The following RGS6 variants were observed in gnomAD, a reference collection of about 807,000 sequenced individuals.
The protein encoded by RGS6 is regulator of G-protein signaling 6.
Under a neutral mutation model 78.5 loss-of-function variants are expected in RGS6, and 30 were observed. That is an observed-to-expected ratio of 0.38 (90% CI 0.29 to 0.52). The LOEUF (loss-of-function observed/expected upper bound fraction) is 0.52, where lower values mean the gene tolerates loss of function less well. RGS6 is among the 20% of genes least tolerant of loss of function. The pLI is 0.85. For synonymous variants in RGS6, 206 were observed against 206.0 expected (o/e 1.00, Z 0.00); for missense variants, 495 against 609.7 (o/e 0.81, Z 1.98).
intron 2 of RGS6, among the ~76,000 whole-genome samples, chr14:72,300,982 C>T (rs1406570972): frequency 6.6e-6 from 1 of 152,108 alleles, no homozygotes; most frequent in Non-Finnish European, 1.5e-5. Context: ...TTGTAGTTCG[C>T]AGAACTTTAG....
intron 2 of RGS6, among the ~76,000 whole-genome samples, chr14:72,321,898 A>G (rs917293631): frequency 6.6e-6 from 1 of 152,046 alleles, no homozygotes; most frequent in South Asian, 2.1e-4. Context: ...AGAACTGACT[A>G]TACTTTAGAC....
chr14:72,197,913 C>T (rs528538135), intron 2 of RGS6, among the ~76,000 whole-genome samples: 2 of 152,054 alleles, frequency 1.3e-5, no homozygotes, highest in East Asian at 3.9e-4. Context: ...CTTAAAGTAG[C>T]TATAGCAACT....
intron 4 of RGS6, among the ~76,000 whole-genome samples, chr14:72,456,363 TCA>T (rs1298625068): frequency 1.3e-5 from 2 of 152,240 alleles, no homozygotes; most frequent in African/African-American, 4.8e-5. Context: ...CGAGCATAGC[TCA>T]CTGCAGCCTT....
intron 2 of RGS6, among the ~76,000 whole-genome samples, chr14:72,029,885 A>G (rs892312907): frequency 1.4e-4 from 22 of 152,238 alleles, no homozygotes; most frequent in African/African-American, 5.3e-4. Context: ...TTTAATAAGT[A>G]GTGATGGAAT....
intron 2 of RGS6, among the ~76,000 whole-genome samples, chr14:71,989,340 C>A (rs1566969867): frequency 6.6e-6 from 1 of 152,224 alleles, no homozygotes; most frequent in Non-Finnish European, 1.5e-5. Context: ...ACAAGACAAC[C>A]ACCTGGGGAG....
rs1175973044 is a variant in RGS6 at position 72,548,346 on chromosome 14, CGCGTGTGTGTGTGTGTGTGTGTGT to C, written c.1422+8254_1422+8277del. ...TCATATTTGTGTGTGTGTGTGTGCGCGCGTGTGTGTGTGTGTGTGTGTGTGTTTTAAATTCAGTTTCCCAACTAC... is the reference window on the plus strand; with the variant it reads ...TCATATTTGTGTGTGTGTGTGTGCGCGTTTTAAATTCAGTTTCCCAACTAC... On this transcript the variant is annotated intron_variant, in intron 17 of 17. Transcript: ENST00000553525. 3.2e-5 allele frequency among the ~76,000 whole-genome samples: 4 copies of C among 124,118 alleles called. No homozygotes were observed. In the East Asian group the frequency reaches 1.2e-3, roughly 36 times the overall value. 81.4% of individuals were successfully genotyped at this position (124,118 alleles called of 152,430 possible).
At chr14:72,295,099 G>A (rs960571227) in intron 2 of RGS6, among the ~76,000 whole-genome samples, 50 of 151,766 alleles carry the variant, frequency 3.3e-4, no homozygotes, top group African/African-American at 9.7e-4. Context: ...AGACCATCCC[G>A]GCTAAAACGG....
chr14:72,357,277 A>T (rs1008338529), intron 3 of RGS6, among the ~76,000 whole-genome samples: 2 of 151,672 alleles, frequency 1.3e-5, no homozygotes, highest in Non-Finnish European at 2.9e-5. Context: ...AAAAAAAAAA[A>T]TAGAAAATAT....
At chr14:72,066,280 AAGGT>A (rs2094140611) in intron 2 of RGS6, among the ~76,000 whole-genome samples, 1 of 152,068 alleles carries the variant, frequency 6.6e-6, no homozygotes, top group Non-Finnish European at 1.5e-5. Context: ...TTGGGAATCA[AAGGT>A]AGGTAACAGT....
chr14:71,917,081 C>T, the RGS6 span, among the ~76,000 whole-genome samples: 2 of 152,194 alleles, frequency 1.3e-5, no homozygotes, highest in Non-Finnish European at 2.9e-5. Context: ...GGACTGCACT[C>T]ATGGGTCAGG....
At chr14:71,957,785 A>C (rs1022755362) in intron 1 of RGS6, among the ~76,000 whole-genome samples, 6 of 152,082 alleles carry the variant, frequency 3.9e-5, no homozygotes, top group African/African-American at 1.4e-4. Flanking sequence ...TTTACTTCAG[A>C]GATCAGTCCT....
intron 8 of RGS6, among the ~76,000 whole-genome samples, chr14:72,471,976 A>T (rs2096088962): frequency 6.6e-6 from 1 of 152,220 alleles, no homozygotes; most frequent in African/African-American, 2.4e-5. Flanking sequence ...TTTTTTGATT[A>T]ACTCTGTGAT....
At chr14:72,265,851 G>A (rs532967584) in intron 2 of RGS6, among the ~76,000 whole-genome samples, 20 of 148,144 alleles carry the variant, frequency 1.4e-4, no homozygotes, top group South Asian at 4.3e-4. Context: ...CTCAGCCTCC[G>A]GTTTCTTCCT....
intron 3 of RGS6, among the ~76,000 whole-genome samples, chr14:72,407,383 C>T (rs1392884301): frequency 6.6e-6 from 1 of 152,162 alleles, no homozygotes; most frequent in Non-Finnish European, 1.5e-5. Context: ...CTCTGGATGT[C>T]CTATGGTATT....
intron 2 of RGS6, among the ~76,000 whole-genome samples, chr14:72,126,980 G>C (rs1013037275): frequency 1.3e-5 from 2 of 152,244 alleles, no homozygotes; most frequent in East Asian, 1.9e-4. Flanking sequence ...CATGAGGTTG[G>C]GGGTATATGT....
intron 7 of RGS6, among the ~76,000 whole-genome samples, chr14:72,467,665 C>T (rs2095957231): frequency 6.6e-6 from 1 of 152,164 alleles, no homozygotes; most frequent in Admixed American, 6.5e-5. Context: ...AGCAGTGCAG[C>T]AGTTTGTCCA....
chr14:72,272,282 A>G (rs888508276), intron 2 of RGS6, among the ~76,000 whole-genome samples: 2 of 152,130 alleles, frequency 1.3e-5, no homozygotes, highest in Admixed American at 6.5e-5. Flanking sequence ...ACTCAATGCA[A>G]TTGAGGTGAC....
At chr14:72,466,868 A>T (rs2095929727) in intron 7 of RGS6, among the ~76,000 whole-genome samples, 1 of 152,202 alleles carries the variant, frequency 6.6e-6, no homozygotes, top group South Asian at 2.1e-4. Context: ...TTCAAATTAA[A>T]ATTTTAAATT....
chr14:71,925,518 A>G, the RGS6 span, among the ~76,000 whole-genome samples: 1 of 152,058 alleles, frequency 6.6e-6, no homozygotes, highest in African/African-American at 2.4e-5. Context: ...GTTTTCTTCT[A>G]TGAGTTTTAC....
Sources: allele counts gnomAD v4.1 joint callset (sites outside exome capture counted in the v4.1 genomes callset), GRCh38; gene constraint gnomAD v4.1.1; transcripts MANE v1.5; gene names NCBI Gene and HGNC (gene_info 2026-07-23, HGNC 2026-07-21).